Variants in UBAC1 observed in about 807,000 individuals in gnomAD.
UBAC1 encodes the protein ubiquitin-associated domain-containing protein 1.
UBAC1 carries 27 observed loss-of-function variants against 45.9 expected under a neutral mutation model. The ratio of observed to expected loss-of-function variants is 0.59; its 90% CI spans 0.43 to 0.81. The LOEUF is 0.81. Ranked by LOEUF, UBAC1 falls within the 30% of genes least tolerant of loss-of-function variation. UBAC1 has a pLI of 0.00. For missense variants in UBAC1, 529 were observed against 539.2 expected (o/e 0.98, Z 0.19); for synonymous variants, 227 against 215.5 (o/e 1.05, Z -0.47).
chr9:135,953,787 G>A (rs757465241), intron 2 of UBAC1, 34 bp from the exon 3 acceptor site: 2 of 1,586,140 alleles, frequency 1.3e-6, no homozygotes, highest in Non-Finnish European at 1.7e-6. Context: ...CAACACACTG[G>A]TTATCACTTC....
intron 6 of UBAC1, 189 bp from the exon 7 acceptor site, chr9:135,945,439 A>T (rs1209458157): frequency 3.6e-6 from 2 of 558,908 alleles, no homozygotes; most frequent in Non-Finnish European, 6.2e-6. Context: ...GACTACCTTG[A>T]GACCCTGGGC....
At chr9:135,952,923 G>C (rs1312802691) in intron 3 of UBAC1, among the ~76,000 whole-genome samples, 1 of 152,196 alleles carries the variant, frequency 6.6e-6, no homozygotes, top group African/African-American at 2.4e-5. Flanking sequence ...GGGGCTTGTC[G>C]CGAGTGCTCC....
At chr9:135,946,868 C>T (rs1417850717) in intron 4 of UBAC1, among the ~76,000 whole-genome samples, 2 of 152,212 alleles carry the variant, frequency 1.3e-5, no homozygotes, top group Non-Finnish European at 1.5e-5. Context: ...GCTACAGGGC[C>T]TAGAGGTCAG....
chr9:135,939,985 C>T (rs1458696923), intron 7 of UBAC1, among the ~76,000 whole-genome samples: 3 of 152,188 alleles, frequency 2.0e-5, no homozygotes, highest in African/African-American at 7.2e-5. Context: ...TTAGCAGAGC[C>T]GGGGGGCAGT....
At chr9:135,938,462 C>T (rs1839225678) in intron 8 of UBAC1, 102 bp from the exon 9 acceptor site, 7 of 1,436,150 alleles carry the variant, frequency 4.9e-6, no homozygotes, top group Middle Eastern at 2.4e-4. Flanking sequence ...TCTGTGAGTT[C>T]CTGTTGAGCC....
intron 1 of UBAC1, among the ~76,000 whole-genome samples, chr9:135,956,797 T>C (rs1839472220): frequency 1.3e-5 from 2 of 152,264 alleles, no homozygotes; most frequent in Admixed American, 1.3e-4. Flanking sequence ...CTGACTATTT[T>C]CTTGCTCTTA....
intron 4 of UBAC1, 38 bp from the exon 5 acceptor site, chr9:135,946,409 C>T (rs1243710349): frequency 7.6e-7 from 1 of 1,309,772 alleles, no homozygotes; most frequent in Non-Finnish European, 1.1e-6. Context: ...CTCTAAATGT[C>T]CACCAAACCT....
At chr9:135,952,940 G>A (rs536910306) in intron 3 of UBAC1, among the ~76,000 whole-genome samples, 10 of 152,304 alleles carry the variant, frequency 6.6e-5, no homozygotes, top group Middle Eastern at 3.4e-3. Flanking sequence ...CTCCCTCACC[G>A]GCCACTCTCT....
chr9:135,952,286 A>G (rs1338535234), intron 3 of UBAC1, among the ~76,000 whole-genome samples: 2 of 152,282 alleles, frequency 1.3e-5, no homozygotes, highest in Non-Finnish European at 2.9e-5. Context: ...CTAGCCCAAA[A>G]GAGTTTGACC....
At chr9:135,941,582 C>G (rs1839269897) in intron 7 of UBAC1, among the ~76,000 whole-genome samples, 1 of 152,208 alleles carries the variant, frequency 6.6e-6, no homozygotes. Flanking sequence ...AGGATGCCCT[C>G]CTCACTAGCT....
Position 135,945,156 on chromosome 9 carries a change from C to T in UBAC1, c.748G>A (p.Glu250Lys). The change falls in exon 7 of 10, where the codon GAG becomes AAG. Residue 250 changes from glutamate to lysine, a missense_variant. Physicochemically the swap from Glu to Lys is moderately conservative, Grantham distance 56. Transcript: ENST00000371756. ...TCGGAGGCAGCTGCTGTGGCCCCCT[C>T]GGCCTCTGGGGGAGCTTGGCCAGGA... ...PLPGQAPPEA[E>K]GATAAASEAA... is the part of the protein sequence containing the mutation. 3.7e-6 allele frequency: 6 copies of T among 1,613,806 alleles called. No individual in the cohort carries two copies. Among genetic ancestry groups the T allele is most frequent in the Admixed American group, 3.3e-5 (2 of 59,988 alleles).
At chr9:135,960,019 C>T (rs185692786) in intron 1 of UBAC1, among the ~76,000 whole-genome samples, 1 of 152,300 alleles carries the variant, frequency 6.6e-6, no homozygotes, top group Admixed American at 6.5e-5. Flanking sequence ...GTACTGTATG[C>T]GAGCAGCTAC....
At chr9:135,945,563 T>C in intron 6 of UBAC1, 1 of 502,812 alleles carries the variant, frequency 2.0e-6, no homozygotes, top group Admixed American at 3.6e-5. Flanking sequence ...TCTCGGATTA[T>C]TCATTTTAGA....
At chr9:135,939,877 G>T in intron 7 of UBAC1, 118 bp from the exon 8 acceptor site, 1 of 769,264 alleles carries the variant, frequency 1.3e-6, no homozygotes, top group Non-Finnish European at 2.2e-6. Context: ...CAACAGCACT[G>T]AGGACGCTGT....
intron 1 of UBAC1, among the ~76,000 whole-genome samples, chr9:135,956,920 G>C (rs1339513790): frequency 6.6e-6 from 1 of 152,166 alleles, no homozygotes; most frequent in African/African-American, 2.4e-5. Context: ...CAGGAGCATG[G>C]CCCAGCCTGG....
At chr9:135,949,938 G>C (rs1839387582) in intron 3 of UBAC1, among the ~76,000 whole-genome samples, 1 of 152,246 alleles carries the variant, frequency 6.6e-6, no homozygotes, top group South Asian at 2.1e-4. Flanking sequence ...CAGAAGTCCT[G>C]TTGCTGGCTC....
chr9:135,960,508 C>T lies in UBAC1; in HGVS notation c.138+517G>A, dbSNP rs568058370. 3.0e-4 allele frequency among the ~76,000 whole-genome samples: 46 copies of T among 152,214 alleles called. No homozygotes were observed. In the Middle Eastern group the frequency reaches 0.014, roughly 45 times the overall value. On this transcript the variant is annotated intron_variant, in intron 1 of 9. Coordinates refer to ENST00000371756, the MANE Select transcript of UBAC1 (RefSeq NM_016172.3). ...GGAAAAGAGCTCCAAGCAGCCGGCT[C>T]TGCGGGAAAGGGGAAGAGGAAGGAG...
Position 135,961,019 on chromosome 9 carries a change from C to A in UBAC1, c.138+6G>T. 1.9e-6 allele frequency: 3 copies of A among 1,550,208 alleles called. No individual in the cohort carries two copies. Among genetic ancestry groups the A allele is most frequent in the South Asian group, 2.3e-5 (2 of 85,288 alleles). Reference sequence around the variant, plus strand: ...GTTGGGGGCAGGGGAGGGGGCCCGGCCTTACGTGCTTGAGGCAGCGCTCCT... The same window carrying A: ...GTTGGGGGCAGGGGAGGGGGCCCGGACTTACGTGCTTGAGGCAGCGCTCCT... On this transcript the variant is annotated splice_donor_region_variant and intron_variant, in intron 1 of 9. Transcript: ENST00000371756.
In UBAC1 at chr9:135,946,021, G is replaced by T. The variant is rs375766890; in HGVS notation, c.545-24C>A. 6.2e-5 allele frequency: 99 copies of T among 1,602,938 alleles called. 1 individual carries two copies. In the African/African-American group the frequency reaches 1.2e-3, roughly 20 times the overall value. ...TGCTGCAGGGAGACGACAGGGCCAT[G>T]AGGGCTCCAGCCTCAGGTTCAGGGG... On this transcript the variant is annotated intron_variant, in intron 5 of 9. Transcript: ENST00000371756.
Sources: gnomAD v4.1 joint callset for allele counts (sites outside exome capture counted in the v4.1 genomes callset) on GRCh38, gnomAD v4.1.1 for gene constraint, MANE v1.5 for transcripts, NCBI Gene and HGNC (gene_info 2026-07-23, HGNC 2026-07-21) for gene names.